MIEF1: variants seen among roughly 807,000 people sequenced by gnomAD.
The protein encoded by MIEF1 is mitochondrial dynamics protein MIEF1.
Under a neutral mutation model 35.1 loss-of-function variants are expected in MIEF1, and 14 were observed. The ratio of observed to expected loss-of-function variants is 0.40; its 90% CI spans 0.26 to 0.62. MIEF1 has a LOEUF of 0.62. Among genes scored for constraint, MIEF1 ranks in the 20% least tolerant of loss-of-function variants. MIEF1 has a pLI of 0.43. For missense variants in MIEF1, 542 were observed against 615.4 expected (o/e 0.88, Z 1.26); for synonymous variants, 245 against 254.3 (o/e 0.96, Z 0.35).
chr22:39,502,817 T>G (rs1416058847), intron 1 of MIEF1, among the ~76,000 whole-genome samples: 1 of 152,260 alleles, frequency 6.6e-6, no homozygotes, highest in East Asian at 1.9e-4. Context: ...CTGTTGATTT[T>G]CTGCATCGGG....
At position 39,506,379 on chromosome 22, in the gene MIEF1, C is replaced by T. The variant is rs367617122; in HGVS notation, c.-8+1845C>T. ...ACCCCTGTAGATTAGTTCTCCGCAC[C>T]GCGTGATCTCAGGGTTCAAATCTTG... On this transcript the variant is annotated intron_variant, in intron 2 of 5. Coordinates refer to ENST00000325301, the MANE Select transcript of MIEF1 (RefSeq NM_019008.6). Among the ~76,000 whole-genome samples, 102 of 152,216 alleles carry T rather than the reference C, an allele frequency of 6.7e-4. 1 individual carries two copies. The South Asian group carries it at 9.7e-3, about 15-fold the overall frequency.
rs890825964 is a variant in MIEF1, at chr22:39,515,291, G to C, written c.*968G>C. 16 of 717,428 alleles carry C rather than the reference G, an allele frequency of 2.2e-5. No individual in the cohort carries two copies. Among genetic ancestry groups the C allele is most frequent in the Non-Finnish European group, 3.6e-5 (14 of 385,116 alleles). The allele number at this position is 717,428 out of a possible 1,614,324, so 44.4% of individuals were successfully genotyped here. A position where few individuals can be genotyped will look rare whatever the true frequency, so the allele number is the denominator to read the frequency against. Reference sequence around the variant, plus strand: ...GTGAGGATGATGGAGGTAGACAGTCGACTGAATGTCAGCTGGAAAATCCAG... The same window carrying C: ...GTGAGGATGATGGAGGTAGACAGTCCACTGAATGTCAGCTGGAAAATCCAG... On this transcript the variant is annotated 3_prime_UTR_variant, in exon 6 of 6. Transcript: ENST00000325301.
In MIEF1 at chr22:39,516,668, A is replaced by C. The variant is rs1569022787; in HGVS notation, c.*2345A>C. 6.6e-6 allele frequency: 1 copy of C among 152,234 alleles called. No homozygotes were observed. The highest frequency in any genetic ancestry group is 1.5e-5 in the Non-Finnish European group (1 of 68,044). 9.4% of individuals were successfully genotyped at this position (152,234 alleles called of 1,614,324 possible). On this transcript the variant is annotated 3_prime_UTR_variant, in exon 6 of 6. Transcript: ENST00000325301. ...CAGTGAGCTGAGATCGTGCCACTGC[A>C]CTCCAGCCTGGGTGACAGAGTGAGA...
chr22:39,507,472 C>T (rs146514405), intron 2 of MIEF1, among the ~76,000 whole-genome samples: 2,225 of 151,908 alleles, frequency 0.015, 16 homozygotes, highest in Non-Finnish European at 0.021. Flanking sequence ...GTCTCGATCT[C>T]CTGACCTCGT....
Position 39,517,675 on chromosome 22 carries a change from T to C in MIEF1, c.*3352T>C. 1 of 468,704 alleles carries C rather than the reference T, an allele frequency of 2.1e-6. No homozygotes were observed. Among genetic ancestry groups the C allele is most frequent in the Non-Finnish European group, 4.4e-6 (1 of 225,614 alleles). 29.0% of individuals were successfully genotyped at this position (468,704 alleles called of 1,614,324 possible). A position where few individuals can be genotyped will look rare whatever the true frequency, so the allele number is the denominator to read the frequency against. ...GAGGATTTGTTAGAACTCTGCCCTT[T>C]TGTCTGAAACTCAAGGCCAAGGAGA... On this transcript the variant is annotated 3_prime_UTR_variant, in exon 6 of 6. Transcript: ENST00000325301.
intron 2 of MIEF1, 125 bp from the exon 3 acceptor site, chr22:39,511,163 G>A (rs1359212000): frequency 4.1e-6 from 5 of 1,222,178 alleles, no homozygotes; most frequent in South Asian, 1.4e-5. Context: ...TGCAGTGCTG[G>A]AGGCAAGAAG....
intron 2 of MIEF1, among the ~76,000 whole-genome samples, chr22:39,506,203 T>C (rs937832400): frequency 7.9e-5 from 12 of 152,164 alleles, no homozygotes; most frequent in Non-Finnish European, 1.5e-4. Context: ...GTAGAGTTAA[T>C]ACTTCATTCC....
chr22:39,508,672 C>T (rs1930175809), intron 2 of MIEF1, among the ~76,000 whole-genome samples: 1 of 152,178 alleles, frequency 6.6e-6, no homozygotes, highest in African/African-American at 2.4e-5. Flanking sequence ...TTCTCCCTGG[C>T]TTTGCTCTGT....
intron 2 of MIEF1, among the ~76,000 whole-genome samples, chr22:39,505,959 T>A (rs570983825): frequency 1.1e-3 from 162 of 152,276 alleles, no homozygotes; most frequent in African/African-American, 3.7e-3. Flanking sequence ...CCTTATGTAA[T>A]GACTTTTGGT....
chr22:39,507,734 T>G (rs1012580407), intron 2 of MIEF1, among the ~76,000 whole-genome samples: 1 of 151,702 alleles, frequency 6.6e-6, no homozygotes, highest in Non-Finnish European at 1.5e-5. Context: ...GTGTGGTGGC[T>G]CATGCCTGTA....
Position 39,517,773 on chromosome 22 carries a change from A to G in MIEF1, c.*3450A>G. On this transcript the variant is annotated 3_prime_UTR_variant, in exon 6 of 6. Coordinates refer to ENST00000325301, the MANE Select transcript of MIEF1 (RefSeq NM_019008.6). ...GCTGCAGCCCTTTTAGATGCCACTT[A>G]CTGTAAGTGGCCAGAATACCAGAGA... 2.9e-6 allele frequency: 1 copy of G among 349,664 alleles called. No individual in the cohort carries two copies. The highest frequency in any genetic ancestry group is 2.2e-5 in the South Asian group (1 of 45,914). 21.7% of individuals were successfully genotyped at this position (349,664 alleles called of 1,614,324 possible).
upstream of MIEF1, among the ~76,000 whole-genome samples, chr22:39,501,424 T>C (rs888786399): frequency 1.3e-5 from 2 of 152,216 alleles, no homozygotes; most frequent in African/African-American, 4.8e-5. Context: ...GTTAGGAAAC[T>C]TGGCAGAGGG....
chr22:39,506,638 A>G (rs902545331), intron 2 of MIEF1, among the ~76,000 whole-genome samples: 19 of 152,256 alleles, frequency 1.2e-4, no homozygotes, highest in Admixed American at 1.2e-3. Context: ...GGCTTTTTCA[A>G]TTAAAATAAG....
intron 2 of MIEF1, among the ~76,000 whole-genome samples, chr22:39,507,377 C>T (rs1028943805): frequency 1.3e-5 from 2 of 151,834 alleles, no homozygotes; most frequent in Non-Finnish European, 2.9e-5. Flanking sequence ...TCCCGAGTAG[C>T]TGGGACTACA....
intron 3 of MIEF1, 22 bp downstream of exon 3, chr22:39,511,460 TG>T: frequency 6.5e-7 from 1 of 1,535,014 alleles, no homozygotes; most frequent in Non-Finnish European, 8.8e-7. Flanking sequence ...CAGCCAGGGC[TG>T]GGGGTGGAAT....
Position 39,514,758 on chromosome 22 carries a change from CTAAT to C in MIEF1, c.*439_*442del, listed in dbSNP as rs1930571705. The C allele has an allele frequency of 4.2e-6, 1 of 236,384 alleles. No individual in the cohort carries two copies. Among genetic ancestry groups the C allele is most frequent in the Non-Finnish European group, 8.3e-6 (1 of 119,906 alleles). The allele number at this position is 236,384 out of a possible 1,614,324, so 14.6% of individuals were successfully genotyped here. A position where few individuals can be genotyped will look rare whatever the true frequency, so the allele number is the denominator to read the frequency against. ...GCTCTTGTCCCTGGAGCATATCTGC[CTAAT>C]TAAGATGTTGCCTTTTAGTTGAATG... On this transcript the variant is annotated 3_prime_UTR_variant, in exon 6 of 6. Coordinates refer to ENST00000325301, the MANE Select transcript of MIEF1 (RefSeq NM_019008.6).
Position 39,510,200 on chromosome 22 carries a change from C to T in MIEF1, c.-7-1088C>T, listed in dbSNP as rs187030493. ...CTTGAACTCCTGATCTCAGGTGATC[C>T]GCCTGCCTCGGCCTCCCAAAGTGCT... is the stretch of plus-strand genomic sequence containing the variant. On this transcript the variant is annotated intron_variant, in intron 2 of 5. Coordinates refer to ENST00000325301, the MANE Select transcript of MIEF1 (RefSeq NM_019008.6). Among the ~76,000 whole-genome samples, 534 of 152,234 alleles carry T rather than the reference C, an allele frequency of 3.5e-3. 2 individuals carry two copies. Among genetic ancestry groups the T allele is most frequent in the Middle Eastern group, 0.017 (5 of 294 alleles).
upstream of MIEF1, chr22:39,501,548 T>C (rs1929700535): frequency 6.6e-6 from 1 of 151,980 alleles, no homozygotes; most frequent in African/African-American, 2.4e-5. Flanking sequence ...AGGGAGGCAG[T>C]TGGGGGAGGG....
Position 39,511,319 on chromosome 22 carries a change from G to A in MIEF1, c.25G>A (p.Gly9Ser), listed in dbSNP as rs1426441368. The change falls in exon 3 of 6, where the codon GGC (glycine) becomes AGC (serine). Residue 9 changes from glycine (G) to serine (S), a missense_variant. Transcript: ENST00000325301. ...AATGGCAGGCGCTGGTGAGCGCAAA[G>A]GCAAGAAGGATGACAATGGCATTGG... is the stretch of plus-strand genomic sequence containing the variant. MAGAGERK[G>S]KKDDNGIGTA... 6.2e-7 allele frequency: 1 copy of A among 1,613,914 alleles called. No individual in the cohort carries two copies.
Sources: allele counts gnomAD v4.1 joint callset (sites outside exome capture counted in the v4.1 genomes callset), GRCh38; gene constraint gnomAD v4.1.1; transcripts MANE v1.5; gene names NCBI Gene and HGNC (gene_info 2026-07-23, HGNC 2026-07-21).